The following MACROD2 variants were observed in gnomAD, a reference collection of about 807,000 sequenced individuals.
MACROD2 encodes the protein mono-ADP ribosylhydrolase 2.
In MACROD2, 36 loss-of-function variants were observed where a neutral mutation model predicts 70.4. The ratio of observed to expected loss-of-function variants is 0.51; its 90% CI spans 0.39 to 0.68. The LOEUF is 0.68. Ranked by LOEUF, MACROD2 falls within the 30% of genes least tolerant of loss-of-function variation. The pLI is 0.00. For missense variants in MACROD2, 496 were observed against 538.4 expected (o/e 0.92, Z 0.78); for synonymous variants, 172 against 178.8 (o/e 0.96, Z 0.30).
At chr20:15,107,530 C>T (rs376806724) in intron 5 of MACROD2, among the ~76,000 whole-genome samples, 1 of 151,472 alleles carries the variant, frequency 6.6e-6, no homozygotes, top group Non-Finnish European at 1.5e-5. Flanking sequence ...ACATACTCAT[C>T]GTCTTTATGC....
rs1422948486 is a variant in MACROD2, at chr20:15,031,957, C to A, written c.419-197983C>A. Among the ~76,000 whole-genome samples, 3 of 152,182 alleles carry A rather than the reference C, an allele frequency of 2.0e-5. No homozygotes were observed. The South Asian group carries it at 6.2e-4, about 31-fold the overall frequency. ...CAGGCTGTTCGTGCCCAGGCCCGCACCGAGCTGACCGCCCCCGCTGGCCTC... is the reference window on the plus strand; with the variant it reads ...CAGGCTGTTCGTGCCCAGGCCCGCAACGAGCTGACCGCCCCCGCTGGCCTC... On this transcript the variant is annotated intron_variant, in intron 5 of 17. Coordinates refer to ENST00000684519, the MANE Select transcript of MACROD2 (RefSeq NM_001351661.2).
intron 8 of MACROD2, among the ~76,000 whole-genome samples, chr20:15,738,684 T>A (rs528485389): frequency 5.9e-5 from 9 of 152,238 alleles, no homozygotes; most frequent in Admixed American, 4.6e-4. Context: ...AAGACATTGA[T>A]GAAGATGGAT....
intron 5 of MACROD2, among the ~76,000 whole-genome samples, chr20:15,016,878 GC>G (rs907218591): frequency 6.6e-6 from 1 of 152,098 alleles, no homozygotes; most frequent in African/African-American, 2.4e-5. Flanking sequence ...AAAAAGACCA[GC>G]CCCCATGATT....
intron 8 of MACROD2, among the ~76,000 whole-genome samples, chr20:15,561,326 C>T (rs1273259625): frequency 6.6e-6 from 1 of 152,224 alleles, no homozygotes; most frequent in East Asian, 1.9e-4. Context: ...AAGAGAAAAT[C>T]TTTTCCTCAG....
At position 15,937,589 on chromosome 20, in the gene MACROD2, G is replaced by C. The variant is rs945600121; in HGVS notation, c.907+45G>C. On this transcript the variant is annotated intron_variant, in intron 12 of 17. Coordinates refer to ENST00000684519, the MANE Select transcript of MACROD2 (RefSeq NM_001351661.2). ...ATCTAATAATTGCAGACTCTTAAAAGAGACTGTTTGGGCTTGTTTACATGG... is the reference window on the plus strand; with the variant it reads ...ATCTAATAATTGCAGACTCTTAAAACAGACTGTTTGGGCTTGTTTACATGG... 15 of 1,562,062 alleles carry C rather than the reference G, an allele frequency of 9.6e-6. 1 individual carries two copies. Among genetic ancestry groups the C allele is most frequent in the African/African-American group, 9.5e-5 (7 of 73,768 alleles).
intron 5 of MACROD2, among the ~76,000 whole-genome samples, chr20:15,029,873 C>T (rs543045529): frequency 3.4e-4 from 51 of 152,084 alleles, no homozygotes; most frequent in South Asian, 8.3e-4. Flanking sequence ...GAGCAGATTA[C>T]GAGGTCAGGA....
chr20:15,792,580 T>C (rs946893468), intron 8 of MACROD2, among the ~76,000 whole-genome samples: 1 of 152,106 alleles, frequency 6.6e-6, no homozygotes, highest in African/African-American at 2.4e-5. Flanking sequence ...GCCTTCCTAA[T>C]TAAAGAAAGG....
intron 5 of MACROD2, among the ~76,000 whole-genome samples, chr20:14,859,232 T>A (rs1196898129): frequency 6.6e-6 from 1 of 151,962 alleles, no homozygotes; most frequent in Admixed American, 6.6e-5. Flanking sequence ...CTATTGAAAT[T>A]AAATAAATAA....
chr20:15,756,186 C>T (rs1036427200), intron 8 of MACROD2, among the ~76,000 whole-genome samples: 15 of 152,292 alleles, frequency 9.8e-5, no homozygotes, highest in African/African-American at 3.6e-4. Flanking sequence ...TGCAAATTGC[C>T]AGCCTCAATA....
chr20:15,504,402 G>A (rs2047400310), intron 8 of MACROD2, among the ~76,000 whole-genome samples: 1 of 152,112 alleles, frequency 6.6e-6, no homozygotes, highest in South Asian at 2.1e-4. Flanking sequence ...ATTCTCAAAA[G>A]GCTGTAATTG....
chr20:15,254,178 C>T (rs111643871), intron 6 of MACROD2, among the ~76,000 whole-genome samples: 60 of 152,294 alleles, frequency 3.9e-4, no homozygotes, highest in African/African-American at 1.3e-3. Flanking sequence ...TGCCATTTAT[C>T]TCTCCATGCC....
At chr20:15,884,304 G>A (rs1475917583) in intron 9 of MACROD2, among the ~76,000 whole-genome samples, 1 of 152,108 alleles carries the variant, frequency 6.6e-6, no homozygotes, top group African/African-American at 2.4e-5. Context: ...TAGAGAGGGA[G>A]AAGGGCATTG....
At position 14,808,418 on chromosome 20, in the gene MACROD2, A is replaced by G. The variant is rs6042931; in HGVS notation, c.418+123459A>G. Among the ~76,000 whole-genome samples the G allele has an allele frequency of 1.4e-3, 218 of 152,224 alleles. 2 individuals carry two copies. Among genetic ancestry groups the G allele is most frequent in the African/African-American group, 4.8e-3 (201 of 41,544 alleles). On this transcript the variant is annotated intron_variant, in intron 5 of 17. Transcript: ENST00000684519. ...TTGTCACCACCAGACCTGCCTTACA[A>G]GAGCTCCTGAAGGAAGCACTAAATA...
At chr20:14,848,237 GCTTA>G (rs1248240381) in intron 5 of MACROD2, among the ~76,000 whole-genome samples, 1 of 152,040 alleles carries the variant, frequency 6.6e-6, no homozygotes, top group Non-Finnish European at 1.5e-5. Context: ...ACTTCCTAGG[GCTTA>G]CTTAAAGAAC....
chr20:16,014,100 G>T (rs1343140860), intron 15 of MACROD2, among the ~76,000 whole-genome samples: 3 of 152,204 alleles, frequency 2.0e-5, no homozygotes, highest in Non-Finnish European at 4.4e-5. Context: ...AGAATAGAAA[G>T]TGTCAGTGTT....
chr20:15,774,082 TA>T (rs1395639378), intron 8 of MACROD2, among the ~76,000 whole-genome samples: 4 of 152,182 alleles, frequency 2.6e-5, no homozygotes, highest in Non-Finnish European at 5.9e-5. Context: ...TTTAATGTAA[TA>T]AAATAGCTTC....
chr20:14,923,431 A>C lies in MACROD2; in HGVS notation c.418+238472A>C, dbSNP rs376954027. ...CTAAAATGTGTCATCTCCAAAACTGACTTTCTAATTTATCACAACACTTAC... is the reference window on the plus strand; with the variant it reads ...CTAAAATGTGTCATCTCCAAAACTGCCTTTCTAATTTATCACAACACTTAC... On this transcript the variant is annotated intron_variant, in intron 5 of 17. Coordinates refer to ENST00000684519, the MANE Select transcript of MACROD2 (RefSeq NM_001351661.2). 3.3e-5 allele frequency among the ~76,000 whole-genome samples: 5 copies of C among 152,174 alleles called. No homozygotes were observed. In the East Asian group the frequency reaches 7.8e-4, roughly 24 times the overall value.
intron 5 of MACROD2, among the ~76,000 whole-genome samples, chr20:15,155,342 C>G (rs2076299641): frequency 6.6e-6 from 1 of 152,110 alleles, no homozygotes; most frequent in African/African-American, 2.4e-5. Flanking sequence ...TGCCTCCCTT[C>G]CAGCCTCATT....
chr20:14,996,783 G>T (rs182328396), intron 5 of MACROD2, among the ~76,000 whole-genome samples: 22 of 152,312 alleles, frequency 1.4e-4, no homozygotes, highest in Non-Finnish European at 2.6e-4. Context: ...TTCAGCCAGT[G>T]CCCATGGAGG....
Sources: allele counts gnomAD v4.1 joint callset (sites outside exome capture counted in the v4.1 genomes callset), GRCh38; gene constraint gnomAD v4.1.1; transcripts MANE v1.5; gene names NCBI Gene and HGNC (gene_info 2026-07-23, HGNC 2026-07-21).